ARIH1: variants seen among roughly 807,000 people sequenced by gnomAD.
The protein encoded by ARIH1 is E3 ubiquitin-protein ligase ARIH1.
Under a neutral mutation model 85.0 loss-of-function variants are expected in ARIH1, and 8 were observed. That is an observed-to-expected ratio of 0.09 (90% CI 0.06 to 0.17). The LOEUF (loss-of-function observed/expected upper bound fraction) is 0.17, where lower values mean the gene tolerates loss of function less well. ARIH1 is among the 10% of genes least tolerant of loss of function. ARIH1 has a pLI of 1.00. For synonymous variants in ARIH1, 238 were observed against 253.6 expected (o/e 0.94, Z 0.59); for missense variants, 311 against 718.1 (o/e 0.43, Z 6.48).
At chr15:72,494,754 G>A (rs1200076615) in intron 1 of ARIH1, among the ~76,000 whole-genome samples, 1 of 151,030 alleles carries the variant, frequency 6.6e-6, no homozygotes, top group African/African-American at 2.4e-5. Context: ...ACCTGTGAAA[G>A]AAATGGGTTA....
intron 1 of ARIH1, among the ~76,000 whole-genome samples, chr15:72,512,027 G>T (rs552020822): frequency 1.3e-5 from 2 of 152,150 alleles, no homozygotes; most frequent in Admixed American, 6.5e-5. Flanking sequence ...CCACTTGATT[G>T]TGGTGTAATT....
intron 1 of ARIH1, among the ~76,000 whole-genome samples, chr15:72,483,877 A>G (rs1266592918): frequency 6.6e-6 from 1 of 151,974 alleles, no homozygotes; most frequent in Non-Finnish European, 1.5e-5. Context: ...AAAATAGAAA[A>G]TTGTAGATTC....
chr15:72,553,552 C>T (rs932639773), intron 3 of ARIH1, among the ~76,000 whole-genome samples: 5 of 152,008 alleles, frequency 3.3e-5, no homozygotes, highest in African/African-American at 1.2e-4. Context: ...CTCCCAAGTC[C>T]CCCAGCCCCT....
In ARIH1 at chr15:72,586,499, G is replaced by A. The variant is rs2064317591; in HGVS notation, c.*3207G>A. 1 of 152,184 alleles carries A rather than the reference G, an allele frequency of 6.6e-6. No individual in the cohort carries two copies. The highest frequency in any genetic ancestry group is 2.4e-5 in the African/African-American group (1 of 41,440). 9.4% of individuals were successfully genotyped at this position (152,184 alleles called of 1,614,324 possible). ...ATTTCATTGTAACTGGACTGTTCAG[G>A]TTGCCCAGAGGGAAAGAACATTCCT... On this transcript the variant is annotated 3_prime_UTR_variant, in exon 14 of 14. Coordinates refer to ENST00000379887, the MANE Select transcript of ARIH1 (RefSeq NM_005744.5).
chr15:72,478,718 A>G (rs561796999), intron 1 of ARIH1, among the ~76,000 whole-genome samples: 9 of 152,354 alleles, frequency 5.9e-5, no homozygotes, highest in African/African-American at 1.9e-4. Flanking sequence ...TTAGCCTTCT[A>G]GTGATAACCA....
At chr15:72,555,237 C>A in intron 3 of ARIH1, 34 bp from the exon 4 acceptor site, 2 of 1,502,090 alleles carry the variant, frequency 1.3e-6, no homozygotes, top group African/African-American at 1.4e-5. Context: ...TCTGATAATA[C>A]CTTTGTTAAG....
intron 11 of ARIH1, among the ~76,000 whole-genome samples, chr15:72,576,980 C>CTTT (rs1041267961): frequency 6.9e-6 from 1 of 144,562 alleles, no homozygotes; most frequent in African/African-American, 2.5e-5. Flanking sequence ...ATACTGTGTG[C>CTTT]TTTTTTTTTT....
intron 11 of ARIH1, among the ~76,000 whole-genome samples, chr15:72,574,894 A>AC (rs201163446): frequency 0.03 from 3,251 of 107,604 alleles, 90 homozygotes; most frequent in East Asian, 0.091. Context: ...ACATAGTAAG[A>AC]CCCCCCCGCC....
intron 3 of ARIH1, among the ~76,000 whole-genome samples, chr15:72,551,413 G>A (rs1280641542): frequency 6.6e-6 from 1 of 152,140 alleles, no homozygotes; most frequent in Non-Finnish European, 1.5e-5. Context: ...AGAATTTAGT[G>A]TATTACAGAG....
rs74554191 is a variant in ARIH1, at chr15:72,516,263, T to C, written c.376-1804T>C. 3.2e-3 allele frequency among the ~76,000 whole-genome samples: 480 copies of C among 152,314 alleles called. 3 individuals are homozygous for C. Among genetic ancestry groups the C allele is most frequent in the African/African-American group, 0.011 (462 of 41,572 alleles). On this transcript the variant is annotated intron_variant, in intron 1 of 13. Transcript: ENST00000379887. ...CAGTGTACTGGATGCCACAAAGTTA[T>C]AGTCATGCAATTTTAGTTAATAACA...
chr15:72,571,477 G>A (rs934826797), intron 10 of ARIH1, among the ~76,000 whole-genome samples: 1 of 152,198 alleles, frequency 6.6e-6, no homozygotes, highest in African/African-American at 2.4e-5. Context: ...CAGGGGAAGT[G>A]CAAGTCTTAC....
intron 1 of ARIH1, among the ~76,000 whole-genome samples, chr15:72,507,350 T>G (rs1410936976): frequency 6.6e-6 from 1 of 152,164 alleles, no homozygotes; most frequent in Non-Finnish European, 1.5e-5. Context: ...CTGGAGAGTT[T>G]GTCATACTCT....
chr15:72,538,268 G>T (rs1420725687), intron 2 of ARIH1, among the ~76,000 whole-genome samples: 6 of 152,158 alleles, frequency 3.9e-5, no homozygotes, highest in Non-Finnish European at 8.8e-5. Context: ...AGAGGCTGAG[G>T]CACAAGAAAT....
intron 1 of ARIH1, among the ~76,000 whole-genome samples, chr15:72,480,132 G>A (rs2063810202): frequency 6.6e-6 from 1 of 152,146 alleles, no homozygotes; most frequent in African/African-American, 2.4e-5. Context: ...GCCTGCCAAA[G>A]TGCTGGGATT....
At chr15:72,555,240 T>A (rs756751460) in intron 3 of ARIH1, 31 bp from the exon 4 acceptor site, 5 of 1,516,460 alleles carry the variant, frequency 3.3e-6, no homozygotes, top group Non-Finnish European at 4.6e-6. Context: ...GATAATACCT[T>A]TGTTAAGTTC....
chr15:72,522,962 G>A (rs2140413570), intron 2 of ARIH1, among the ~76,000 whole-genome samples: 2 of 152,276 alleles, frequency 1.3e-5, no homozygotes, highest in South Asian at 4.1e-4. Context: ...ATACCTATTA[G>A]AATGGCCAAA....
At chr15:72,493,894 T>TTGAC (rs138123572) in intron 1 of ARIH1, among the ~76,000 whole-genome samples, 117,195 of 151,816 alleles carry the variant, frequency 0.77, 51,432 homozygotes, top group Non-Finnish European at 0.96. Flanking sequence ...TTTTTATTGT[T>TTGAC]TGTGCATACA....
At chr15:72,560,886 C>T (rs1284620154) in intron 5 of ARIH1, among the ~76,000 whole-genome samples, 2 of 152,030 alleles carry the variant, frequency 1.3e-5, no homozygotes, top group Non-Finnish European at 2.9e-5. Flanking sequence ...CAGGATTCCT[C>T]ACTACGTGGG....
intron 1 of ARIH1, among the ~76,000 whole-genome samples, chr15:72,481,351 T>C (rs984552613): frequency 1.3e-5 from 2 of 152,176 alleles, no homozygotes; most frequent in African/African-American, 4.8e-5. Flanking sequence ...TTTCTCTATG[T>C]GTTACGTGTA....
Sources: allele counts gnomAD v4.1 joint callset (sites outside exome capture counted in the v4.1 genomes callset), GRCh38; gene constraint gnomAD v4.1.1; transcripts MANE v1.5; gene names NCBI Gene and HGNC (gene_info 2026-07-23, HGNC 2026-07-21).